HDX: variants seen among roughly 807,000 people sequenced by gnomAD.
The protein encoded by HDX is chromosome X open reading frame 43.
HDX carries 19 observed loss-of-function variants against 45.2 expected under a neutral mutation model. The observed-to-expected ratio is 0.42, with a 90% CI of 0.29 to 0.62. The LOEUF is 0.62. Among genes scored for constraint, HDX ranks in the 20% least tolerant of loss-of-function variants. The probability of loss-of-function intolerance (pLI) is 0.20; values close to 1 mark genes in which losing one functional copy is unlikely to be tolerated. For synonymous variants in HDX, 188 were observed against 172.8 expected, an observed-to-expected ratio of 1.09 and a Z score of -0.69; for missense variants, 532 against 493.9, an observed-to-expected ratio of 1.08 and a Z score of -0.73.
chrX:84,340,014 G>A (rs899351081), intron 7 of HDX, among the ~76,000 whole-genome samples: 6 of 111,098 alleles, frequency 5.4e-5, no homozygotes, highest in Middle Eastern at 4.6e-3. Context: ...GCTCAGGTAG[G>A]TTTATTTGTT....
At position 84,319,596 on chromosome X, in the gene HDX, C is replaced by T. The variant is rs962184076; in HGVS notation, c.*2293G>A. ...CACAAATTTCAAGACAAAAGGAGTTCTAAATGTATTGTTATGATTTATATA... is the reference window on the plus strand; with the variant it reads ...CACAAATTTCAAGACAAAAGGAGTTTTAAATGTATTGTTATGATTTATATA... On this transcript the variant is annotated 3_prime_UTR_variant, in exon 11 of 11. Coordinates refer to ENST00000373177, the MANE Select transcript of HDX (RefSeq NM_001177479.2). 1.8e-5 allele frequency: 2 copies of T among 110,900 alleles called. No individual in the cohort carries two copies. Among genetic ancestry groups the T allele is most frequent in the African/African-American group, 6.5e-5 (2 of 30,689 alleles). 9.1% of individuals were successfully genotyped at this position (110,900 alleles called of 1,213,427 possible).
At chrX:84,397,371 C>A (rs2038590814) in intron 5 of HDX, among the ~76,000 whole-genome samples, 1 of 111,812 alleles carries the variant, frequency 8.9e-6, no homozygotes, top group Non-Finnish European at 1.9e-5. Flanking sequence ...GAACTTGGAG[C>A]AGCAAGGAGG....
chrX:84,342,962 C>T (rs1192457388), intron 7 of HDX, among the ~76,000 whole-genome samples: 1 of 111,317 alleles, frequency 9.0e-6, no homozygotes, highest in Non-Finnish European at 1.9e-5. Context: ...TCAATGAAAA[C>T]AAAAGCAAAA....
intron 6 of HDX, among the ~76,000 whole-genome samples, chrX:84,349,299 T>C (rs1219275838): frequency 1.8e-5 from 2 of 109,889 alleles, no homozygotes; most frequent in Non-Finnish European, 3.8e-5. Context: ...TTTTATTTGT[T>C]AAGATGAACT....
At chrX:84,327,381 T>A (rs1275683945) in intron 9 of HDX, among the ~76,000 whole-genome samples, 1 of 111,572 alleles carries the variant, frequency 9.0e-6, no homozygotes, top group Non-Finnish European at 1.9e-5. Flanking sequence ...GTGCTCTGAA[T>A]AGATTTACTA....
At chrX:84,407,230 G>A (rs1451797461) in intron 5 of HDX, among the ~76,000 whole-genome samples, 1 of 110,636 alleles carries the variant, frequency 9.0e-6, no homozygotes, top group African/African-American at 3.3e-5. Flanking sequence ...CGCTCAAGTA[G>A]GCCTTGGTAT....
At chrX:84,398,856 T>TA (rs1255530207) in intron 5 of HDX, among the ~76,000 whole-genome samples, 1 of 111,299 alleles carries the variant, frequency 9.0e-6, no homozygotes, top group African/African-American at 3.3e-5. Flanking sequence ...ACTGAAATCA[T>TA]AAAAAACAGT....
chrX:84,409,512 G>A (rs1423626056), intron 5 of HDX, among the ~76,000 whole-genome samples: 1 of 108,741 alleles, frequency 9.2e-6, no homozygotes, highest in African/African-American at 3.4e-5. Context: ...AGAAAATGTG[G>A]CACATATACA....
intron 1 of HDX, among the ~76,000 whole-genome samples, chrX:84,488,470 T>C (rs2040837609): frequency 9.0e-6 from 1 of 111,286 alleles, no homozygotes; most frequent in African/African-American, 3.3e-5. Context: ...ATAAAAGACA[T>C]TAGTAATAAT....
chrX:84,407,413 A>G (rs138342358), intron 5 of HDX, among the ~76,000 whole-genome samples: 11,933 of 111,024 alleles, frequency 0.11, 609 homozygotes, highest in South Asian at 0.28. Context: ...TAGCTATACA[A>G]TACTACATGA....
chrX:84,344,117 T>A, intron 7 of HDX, 133 bp downstream of exon 7: 1 of 453,895 alleles, frequency 2.2e-6, no homozygotes, highest in Admixed American at 4.3e-5. Flanking sequence ...GCATTAAAAA[T>A]AAATCTATTG....
intron 5 of HDX, 39 bp from the exon 6 acceptor site, chrX:84,361,651 T>A (rs1476666765): frequency 4.8e-6 from 5 of 1,033,525 alleles, no homozygotes; most frequent in Non-Finnish European, 5.2e-6. Context: ...AATTTTAAAG[T>A]TTAGAATAAT....
intron 5 of HDX, among the ~76,000 whole-genome samples, chrX:84,380,571 T>C (rs1002152424): frequency 9.0e-6 from 1 of 111,395 alleles, no homozygotes; most frequent in African/African-American, 3.2e-5. Context: ...TGGTTCAACA[T>C]ATGAAAATCA....
At chrX:84,456,214 A>G (rs774543302) in intron 4 of HDX, among the ~76,000 whole-genome samples, 6 of 112,227 alleles carry the variant, frequency 5.3e-5, no homozygotes, top group African/African-American at 1.6e-4. Flanking sequence ...AAATATTCAC[A>G]TCTTGAGTAG....
At position 84,455,396 on chromosome X, in the gene HDX, A is replaced by G. The variant is rs143390633; in HGVS notation, c.1251+13076T>C. Among the ~76,000 whole-genome samples, 556 of 112,660 alleles carry G rather than the reference A, an allele frequency of 4.9e-3. 3 individuals carry two copies. Among genetic ancestry groups the G allele is most frequent in the African/African-American group, 0.017 (527 of 31,051 alleles). Reference sequence around the variant, plus strand: ...CTGAAATAACTAAAGAGAATAAAGCAGAAATTCTGGAATTGAAAAATGCAA... The same window carrying G: ...CTGAAATAACTAAAGAGAATAAAGCGGAAATTCTGGAATTGAAAAATGCAA... On this transcript the variant is annotated intron_variant, in intron 4 of 10. Transcript: ENST00000373177.
chrX:84,365,483 C>A (rs1295059867), intron 5 of HDX, among the ~76,000 whole-genome samples: 3 of 111,354 alleles, frequency 2.7e-5, no homozygotes, highest in Non-Finnish European at 5.6e-5. Context: ...CAAGCAGGGT[C>A]TGTGGGAGGC....
chrX:84,334,319 A>G (rs1000939608), intron 8 of HDX, among the ~76,000 whole-genome samples: 3 of 110,900 alleles, frequency 2.7e-5, no homozygotes, highest in Non-Finnish European at 5.7e-5. Context: ...TTTACTGCAC[A>G]CTGCACAACT....
chrX:84,330,736 T>C (rs1443601990), intron 9 of HDX, among the ~76,000 whole-genome samples: 1 of 112,174 alleles, frequency 8.9e-6, no homozygotes, highest in Non-Finnish European at 1.9e-5. Flanking sequence ...AGACTTCTAA[T>C]TCTTCATGCA....
intron 6 of HDX, among the ~76,000 whole-genome samples, chrX:84,360,336 G>C (rs2037590724): frequency 8.9e-6 from 1 of 112,054 alleles, no homozygotes. Flanking sequence ...AGGTGGGAAT[G>C]TAAAATAAAT....
Sources: allele counts gnomAD v4.1 joint callset (sites outside exome capture counted in the v4.1 genomes callset), GRCh38; gene constraint gnomAD v4.1.1; transcripts MANE v1.5; gene names NCBI Gene and HGNC (gene_info 2026-07-23, HGNC 2026-07-21).